ARHGEF40: variants seen among roughly 807,000 people sequenced by gnomAD.
The protein encoded by ARHGEF40 is Rho guanine nucleotide exchange factor (GEF) 40.
A neutral mutation model predicts 165.9 loss-of-function variants in ARHGEF40; 98 were observed. The ratio of observed to expected loss-of-function variants is 0.59; its 90% CI spans 0.50 to 0.70. The LOEUF (loss-of-function observed/expected upper bound fraction) is 0.70, where lower values mean the gene tolerates loss of function less well. ARHGEF40 is among the 30% of genes least tolerant of loss of function. The pLI is 0.00. For synonymous variants in ARHGEF40, 792 were observed against 814.3 expected (o/e 0.97, Z 0.47); for missense variants, 1,815 against 1,968.0 (o/e 0.92, Z 1.47).
At chr14:21,083,062 C>A (rs528999139) in intron 16 of ARHGEF40, 145 bp downstream of exon 16, 6 of 738,940 alleles carry the variant, frequency 8.1e-6, no homozygotes, top group Admixed American at 4.5e-5. Context: ...GAGGGTGGGA[C>A]AAGCACCGGA....
In ARHGEF40 at chr14:21,074,551, G is replaced by A. The variant is rs781173098; in HGVS notation, c.821G>A (p.Arg274His). The change falls in exon 3 of 24, where the codon CGC (arginine) becomes CAC (histidine). Residue 274 changes from arginine to histidine, a missense_variant. Physicochemically the swap from Arg to His is conservative, Grantham distance 29. Transcript: ENST00000298694. This position sits in a 1 kb window ranked among gnomAD's most constrained non-coding sequence, Gnocchi z 4.8. ...GLSRVRTVPTRKGAGGKGRHR... is the reference protein window; with the variant it reads ...GLSRVRTVPTHKGAGGKGRHR... Reference sequence around the variant, plus strand: ...TCCAGAGTCCGGACGGTACCCACCCGCAAGGGCGCTGGAGGGAAGGGCCGC... The same window carrying A: ...TCCAGAGTCCGGACGGTACCCACCCACAAGGGCGCTGGAGGGAAGGGCCGC... 37 of 1,551,342 alleles carry A rather than the reference G, an allele frequency of 2.4e-5. No homozygotes were observed. Among genetic ancestry groups the A allele is most frequent in the South Asian group, 3.6e-5 (3 of 83,258 alleles).
At chr14:21,081,237 A>G in intron 13 of ARHGEF40, 1 of 824,476 alleles carries the variant, frequency 1.2e-6, no homozygotes, top group Non-Finnish European at 1.8e-6. Flanking sequence ...TGTGGGGATT[A>G]CACGAGGCAA....
At position 21,080,984 on chromosome 14, in the gene ARHGEF40, C is replaced by G. The variant is rs754552261; in HGVS notation, c.2608C>G (p.Arg870Gly). The change falls in exon 13 of 24, where the codon CGG becomes GGG. Residue 870 changes from arginine to glycine, a missense_variant. Transcript: ENST00000298694. ...GGAGCAGGTTGAGAGTGGCCTCCAT[C>G]GGGCCCTGCGGCTACAGCGCTTCTT... ...RLEQVESGLH[R>G]ALRLQRFFQQ... 1.4e-5 allele frequency: 23 copies of G among 1,613,962 alleles called. No individual in the cohort carries two copies. The African/African-American group carries it at 2.5e-4, about 18-fold the overall frequency.
chr14:21,083,861 G>C lies in ARHGEF40; in HGVS notation c.3600G>C (p.Leu1200=). ...GCTCCATGGAGGCTGGCCCTTACCT[G>C]CCCCGAGCCCTGCAGCAGCCTCTGG... ...SKGSMEAGPY[L]PRALQQPLEQ... Residue 1200 remains leucine, a synonymous_variant, in exon 17 of 24, where the codon CTG becomes CTC. Transcript: ENST00000298694. 6.2e-7 allele frequency: 1 copy of C among 1,613,512 alleles called. No individual in the cohort carries two copies. The highest frequency in any genetic ancestry group is 1.3e-5 in the African/African-American group (1 of 74,872).
upstream of ARHGEF40, among the ~76,000 whole-genome samples, chr14:21,065,788 T>C (rs1398707855): frequency 1.3e-5 from 2 of 152,156 alleles, no homozygotes; most frequent in Non-Finnish European, 2.9e-5. Flanking sequence ...TAGGAATAAG[T>C]AAGGCATGTT....
rs142384635 is a variant in ARHGEF40, at chr14:21,074,235, G to A, written c.505G>A (p.Ala169Thr). 4.3e-6 allele frequency: 7 copies of A among 1,614,022 alleles called. 1 individual carries two copies. The highest frequency in any genetic ancestry group is 4.0e-5 in the African/African-American group (3 of 74,940). Residue 169 changes from alanine to threonine, a missense_variant, in exon 3 of 24, where the codon GCG becomes ACG. By Grantham distance (58) the Ala-to-Thr change is moderately conservative. Transcript: ENST00000298694. This position sits in a 1 kb window ranked among gnomAD's most constrained non-coding sequence, Gnocchi z 4.8. ...TGRLSTCLLS[A>T]PSGIQRLPWA... ...TCGCCTCAGTACCTGCCTACTGTCT[G>A]CGCCCTCTGGGATTCAGCGGCTGCC...
intron 23 of ARHGEF40, 52 bp downstream of exon 23, chr14:21,088,928 A>G: frequency 2.5e-6 from 4 of 1,569,660 alleles, no homozygotes; most frequent in Admixed American, 1.7e-5. Flanking sequence ...ACCATCTTGC[A>G]TGTACCTTCC....
At chr14:21,063,041 G>A in the ARHGEF40 span, among the ~76,000 whole-genome samples, 1 of 151,900 alleles carries the variant, frequency 6.6e-6, no homozygotes, top group South Asian at 2.1e-4. Context: ...GAAGTGGGAG[G>A]ATTGCTTGAG....
upstream of ARHGEF40, among the ~76,000 whole-genome samples, chr14:21,069,728 G>A (rs980653074): frequency 3.3e-5 from 5 of 152,012 alleles, no homozygotes; most frequent in African/African-American, 1.2e-4. Flanking sequence ...GCCCCCGGGG[G>A]GTTGGGGAAT....
intron 21 of ARHGEF40, 146 bp from the exon 22 acceptor site, chr14:21,087,821 TA>T: frequency 9.4e-7 from 1 of 1,066,972 alleles, no homozygotes; most frequent in Non-Finnish European, 1.4e-6. Flanking sequence ...TGCCTCTTGG[TA>T]GGGGGTTCCC....
At chr14:21,070,099 C>T (rs2139185072), upstream of ARHGEF40, among the ~76,000 whole-genome samples, 1 of 151,720 alleles carries the variant, frequency 6.6e-6, no homozygotes, top group Middle Eastern at 3.4e-3. This position sits in a 1 kb window ranked among gnomAD's most constrained non-coding sequence, Gnocchi z 4.7. Flanking sequence ...GTGAACGGGA[C>T]GGATAGGCTG....
chr14:21,079,596 G>T (rs1349666002), intron 11 of ARHGEF40, among the ~76,000 whole-genome samples: 1 of 152,186 alleles, frequency 6.6e-6, no homozygotes, highest in Non-Finnish European at 1.5e-5. Context: ...ACCCTACCAT[G>T]TGGGGTAGAG....
In ARHGEF40 at chr14:21,076,625, T is replaced by G; in HGVS notation, c.1899T>G (p.Thr633=). 5 of 1,614,220 alleles carry G rather than the reference T, an allele frequency of 3.1e-6. No homozygotes were observed. Among genetic ancestry groups the G allele is most frequent in the Admixed American group, 1.7e-5 (1 of 60,034 alleles). Residue 633 remains threonine, a synonymous_variant, in exon 7 of 24, where the codon ACT becomes ACG. Coordinates refer to ENST00000298694, the MANE Select transcript of ARHGEF40 (RefSeq NM_018071.5). ...LLILIHDDLP[T]ELCGFQGAEV... ...TTCTCATTCATGATGACCTTCCAAC[T>G]GAACTCTGTGGATTTCAGGTTTGAG... is the stretch of plus-strand genomic sequence containing the variant.
the ARHGEF40 span, among the ~76,000 whole-genome samples, chr14:21,062,250 A>T: frequency 6.6e-6 from 1 of 152,220 alleles, no homozygotes; most frequent in Non-Finnish European, 1.5e-5. Context: ...TGATATTTTC[A>T]TCTGTACTGC....
At chr14:21,084,111 G>T in intron 17 of ARHGEF40, 61 bp downstream of exon 17, 1 of 1,495,864 alleles carries the variant, frequency 6.7e-7, no homozygotes, top group Non-Finnish European at 9.0e-7. Flanking sequence ...CAGAAGCCGT[G>T]TAGGTTGGTG....
At chr14:21,083,026 C>G in intron 16 of ARHGEF40, 109 bp downstream of exon 16, 1 of 928,378 alleles carries the variant, frequency 1.1e-6, no homozygotes, top group Middle Eastern at 2.1e-4. Context: ...AGGAACATCA[C>G]CTACCAATCA....
At position 21,081,016 on chromosome 14, in the gene ARHGEF40, G is replaced by A. The variant is rs1566531926; in HGVS notation, c.2640G>A (p.Gln880=). 6.2e-7 allele frequency: 1 copy of A among 1,611,904 alleles called. No homozygotes were observed. The highest frequency in any genetic ancestry group is 2.2e-5 in the East Asian group (1 of 44,826). The change falls in exon 13 of 24, where the codon CAG becomes CAA. Residue 880 remains glutamine, a splice_region_variant and synonymous_variant. Coordinates refer to ENST00000298694, the MANE Select transcript of ARHGEF40 (RefSeq NM_018071.5). ...RALRLQRFFQ[Q]AHEWVDEGFA... is the part of the protein sequence containing the mutation. ...TGCGGCTACAGCGCTTCTTCCAGCAGGTGCATGCAGAGCCTTTTCCTTCTG... is the reference window on the plus strand; with the variant it reads ...TGCGGCTACAGCGCTTCTTCCAGCAAGTGCATGCAGAGCCTTTTCCTTCTG...
chr14:21,073,296 TAC>T lies in ARHGEF40; in HGVS notation c.201+56_201+57del. 6.5e-7 allele frequency: 1 copy of T among 1,534,286 alleles called. No individual in the cohort carries two copies. On this transcript the variant is annotated intron_variant, in intron 2 of 23. Transcript: ENST00000298694. This position sits in a 1 kb window ranked among gnomAD's most constrained non-coding sequence, Gnocchi z 4.6. ...TTCCCCAAGATCCACTGCCACACTC[TAC>T]AGACTAGCCAGGCTGACTAATGCCC...
Position 21,085,844 on chromosome 14 carries a change from G to C in ARHGEF40, c.4116G>C (p.Trp1372Cys). ...KWTSSIAQLL[W>C]RQAAHNKELR... ...CAAGTTCTATTGCCCAGCTGCTGTGGAGACAGGCAGCCCACAACAAGGGTA... is the reference window on the plus strand; with the variant it reads ...CAAGTTCTATTGCCCAGCTGCTGTGCAGACAGGCAGCCCACAACAAGGGTA... Residue 1372 changes from tryptophan (W) to cysteine (C), a missense_variant, in exon 19 of 24, where the codon TGG (tryptophan) becomes TGC (cysteine). Transcript: ENST00000298694. 1 of 1,614,042 alleles carries C rather than the reference G, an allele frequency of 6.2e-7. No homozygotes were observed. The highest frequency in any genetic ancestry group is 8.5e-7 in the Non-Finnish European group (1 of 1,180,028).
Sources: gnomAD v4.1 joint callset for allele counts (sites outside exome capture counted in the v4.1 genomes callset) on GRCh38, gnomAD v4.1.1 for gene constraint, Gnocchi (gnomAD v3.1) non-coding constraint, MANE v1.5 for transcripts, NCBI Gene and HGNC (gene_info 2026-07-23, HGNC 2026-07-21) for gene names.